The following SGIP1 variants were observed in gnomAD, a reference collection of about 807,000 sequenced individuals.
The protein encoded by SGIP1 is SH3GL interacting endocytic adaptor 1.
Under a neutral mutation model 107.5 loss-of-function variants are expected in SGIP1, and 38 were observed. The observed-to-expected ratio is 0.35, with a 90% CI of 0.27 to 0.46. The LOEUF is 0.46. SGIP1 is among the 20% of genes least tolerant of loss of function. SGIP1 has a pLI of 1.00. For missense variants in SGIP1, 929 were observed against 1,019.5 expected (o/e 0.91, Z 1.21); for synonymous variants, 365 against 366.1 (o/e 1.00, Z 0.03).
intron 21 of SGIP1, among the ~76,000 whole-genome samples, chr1:66,738,115 G>A (rs1454361773): frequency 6.6e-6 from 1 of 152,140 alleles, no homozygotes. Context: ...TTTGCCTGCA[G>A]AAAGCATTAT....
At position 66,681,917 on chromosome 1, in the gene SGIP1, T is replaced by C. The variant is rs892443657; in HGVS notation, c.863T>C (p.Ile288Thr). ...GTCAAAATTGAAAAACTACCATCCA[T>C]CAATGACTTGGACAGCATTTTTGGG... ...TEVKIEKLPS[I>T]NDLDSIFGPV... is the part of the protein sequence containing the mutation. Residue 288 changes from isoleucine to threonine, a missense_variant, in exon 15 of 25, where the codon ATC becomes ACC. Transcript: ENST00000371037. 1.9e-6 allele frequency: 3 copies of C among 1,613,922 alleles called. No individual in the cohort carries two copies. The highest frequency in any genetic ancestry group is 1.7e-5 in the Admixed American group (1 of 59,992).
intron 1 of SGIP1, among the ~76,000 whole-genome samples, chr1:66,554,986 GA>G (rs2057978881): frequency 6.6e-6 from 1 of 152,066 alleles, no homozygotes; most frequent in Non-Finnish European, 1.5e-5. Context: ...AACTGGTTAG[GA>G]GAACATTAAA....
chr1:66,608,612 G>A (rs544046319), intron 1 of SGIP1, among the ~76,000 whole-genome samples: 1 of 152,248 alleles, frequency 6.6e-6, no homozygotes, highest in African/African-American at 2.4e-5. Context: ...AAAGCTCTCT[G>A]GTTTTCTGAA....
chr1:66,724,469 T>G (rs1281274934), intron 19 of SGIP1, among the ~76,000 whole-genome samples: 1 of 152,178 alleles, frequency 6.6e-6, no homozygotes, highest in Non-Finnish European at 1.5e-5. Flanking sequence ...CAGGTCAATT[T>G]AGACACTGGA....
intron 1 of SGIP1, among the ~76,000 whole-genome samples, chr1:66,600,558 G>A (rs919458377): frequency 1.3e-5 from 2 of 152,208 alleles, no homozygotes; most frequent in African/African-American, 4.8e-5. Flanking sequence ...GAGTTTTGCT[G>A]GGTGAACATG....
chr1:66,666,502 T>G (rs1056520456), intron 8 of SGIP1: 5 of 153,270 alleles, frequency 3.3e-5, no homozygotes, highest in African/African-American at 1.2e-4. Context: ...TTTCCAGTTT[T>G]GTGAAGAAAG....
intron 7 of SGIP1, among the ~76,000 whole-genome samples, chr1:66,649,922 A>G (rs2078413674): frequency 6.6e-6 from 1 of 152,188 alleles, no homozygotes; most frequent in Non-Finnish European, 1.5e-5. Flanking sequence ...TTGAAAACCC[A>G]GTGCCTTGGT....
intron 8 of SGIP1, among the ~76,000 whole-genome samples, chr1:66,662,725 T>A (rs2081760037): frequency 6.6e-6 from 1 of 152,190 alleles, no homozygotes; most frequent in Non-Finnish European, 1.5e-5. Flanking sequence ...GAGTTATCTC[T>A]AAGTTGAACA....
chr1:66,612,690 T>C (rs780921746), intron 1 of SGIP1, among the ~76,000 whole-genome samples: 4 of 152,206 alleles, frequency 2.6e-5, no homozygotes, highest in East Asian at 1.9e-4. Flanking sequence ...TCTTGAGAGA[T>C]TAAATGATTT....
chr1:66,639,904 A>C (rs2076458689), intron 5 of SGIP1, 71 bp downstream of exon 5: 1 of 1,287,402 alleles, frequency 7.8e-7, no homozygotes, highest in African/African-American at 1.5e-5. Flanking sequence ...GCATTCTTAT[A>C]ATAGGACTTA....
chr1:66,636,130 C>T (rs1017510135), intron 4 of SGIP1, 115 bp downstream of exon 4: 11 of 946,186 alleles, frequency 1.2e-5, no homozygotes, highest in Non-Finnish European at 1.7e-5. Flanking sequence ...TTTAAGAAAA[C>T]TCTTAGGTAT....
chr1:66,566,495 A>G (rs1411665731), intron 1 of SGIP1, among the ~76,000 whole-genome samples: 3 of 151,968 alleles, frequency 2.0e-5, no homozygotes, highest in South Asian at 2.1e-4. Flanking sequence ...TAATCCTCGT[A>G]TGCAGCAGAA....
intron 1 of SGIP1, among the ~76,000 whole-genome samples, chr1:66,536,790 C>T (rs1031640163): frequency 1.1e-4 from 17 of 152,102 alleles, no homozygotes. Context: ...CAGAGTCATC[C>T]ACCCAAACAC....
chr1:66,699,055 TC>T (rs2091472443), intron 18 of SGIP1, among the ~76,000 whole-genome samples: 2 of 152,064 alleles, frequency 1.3e-5, no homozygotes, highest in Non-Finnish European at 2.9e-5. Context: ...ACTCGTCTTT[TC>T]CCATCATTCC....
chr1:66,694,126 G>A (rs891535881), intron 17 of SGIP1, among the ~76,000 whole-genome samples: 3 of 152,044 alleles, frequency 2.0e-5, no homozygotes, highest in Non-Finnish European at 4.4e-5. Flanking sequence ...AATTATTAAT[G>A]ACAGTTCCTT....
intron 7 of SGIP1, among the ~76,000 whole-genome samples, chr1:66,655,384 G>A (rs771900569): frequency 6.6e-6 from 1 of 151,962 alleles, no homozygotes; most frequent in Non-Finnish European, 1.5e-5. Context: ...ATATAAAATC[G>A]CAAAACCCTT....
chr1:66,631,842 T>C (rs915709712), intron 2 of SGIP1, among the ~76,000 whole-genome samples: 2 of 152,154 alleles, frequency 1.3e-5, no homozygotes, highest in African/African-American at 4.8e-5. Context: ...CCTCAAGCAC[T>C]TATTAAGGTT....
chr1:66,633,271 A>G (rs1409607833), intron 3 of SGIP1, among the ~76,000 whole-genome samples, 177 bp downstream of exon 3: 2 of 152,134 alleles, frequency 1.3e-5, no homozygotes, highest in African/African-American at 2.4e-5. Flanking sequence ...AGTCCTGGTC[A>G]AGCTAGACTT....
intron 1 of SGIP1, among the ~76,000 whole-genome samples, chr1:66,613,598 G>T (rs2068525148): frequency 6.6e-6 from 1 of 152,174 alleles, no homozygotes; most frequent in African/African-American, 2.4e-5. Context: ...CCAAAGTGCT[G>T]GGATTACAGG....
Sources: allele counts gnomAD v4.1 joint callset (sites outside exome capture counted in the v4.1 genomes callset), GRCh38; gene constraint gnomAD v4.1.1; transcripts MANE v1.5; gene names NCBI Gene and HGNC (gene_info 2026-07-23, HGNC 2026-07-21).